Variants in POU2F2 observed in about 807,000 individuals in gnomAD.
POU2F2 encodes the protein POU class 2 homeobox 2, also known as POU domain, class 2, transcription factor 2.
In POU2F2, 14 loss-of-function variants were observed where a neutral mutation model predicts 63.5. The observed-to-expected ratio is 0.22, with a 90% CI of 0.15 to 0.34. POU2F2 has a LOEUF of 0.34. POU2F2 is among the 10% of genes least tolerant of loss of function. The pLI is 1.00. For synonymous variants in POU2F2, 306 were observed against 348.6 expected, an observed-to-expected ratio of 0.88 and a Z score of 1.36; for missense variants, 607 against 815.2, an observed-to-expected ratio of 0.74 and a Z score of 3.11.
rs1184490312 is a variant in POU2F2, at chr19:42,086,379, A to C, written c.*4878T>G. 1 of 151,828 alleles carries C rather than the reference A, an allele frequency of 6.6e-6. No homozygotes were observed. The highest frequency in any genetic ancestry group is 1.5e-5 in the Non-Finnish European group (1 of 67,956). The allele number at this position is 151,828 out of a possible 1,614,324, so 9.4% of individuals were successfully genotyped here. Reference sequence around the variant, plus strand: ...GTAAGGATGGAGGAAAGGCAGGTCTACTCCAGGGCTGATTTCTGGATGCCG... The same window carrying C: ...GTAAGGATGGAGGAAAGGCAGGTCTCCTCCAGGGCTGATTTCTGGATGCCG... On this transcript the variant is annotated 3_prime_UTR_variant, in exon 15 of 15. Transcript: ENST00000692977.
At chr19:42,114,989 T>C (rs939748466) in intron 5 of POU2F2, among the ~76,000 whole-genome samples, 10 of 151,934 alleles carry the variant, frequency 6.6e-5, no homozygotes, top group Non-Finnish European at 8.8e-5. Context: ...AAAATATGTA[T>C]ATATAAAAAA....
chr19:42,196,625 T>A, upstream of POU2F2: 1 of 152,314 alleles, frequency 6.6e-6, no homozygotes, highest in Non-Finnish European at 1.5e-5. Context: ...CGATCCTGTT[T>A]CTCTACCCGA....
In POU2F2 at chr19:42,087,272, ACTCT is replaced by A. The variant is rs984481900; in HGVS notation, c.*3981_*3984del. On this transcript the variant is annotated 3_prime_UTR_variant, in exon 15 of 15. Transcript: ENST00000692977. The stretch of plus-strand genomic sequence containing the variant: ...GTGTCTCAATCTTGCTGTCTGTCTC[ACTCT>A]CTCTCTCACTCAGGTCCCCCTACCC... The A allele has an allele frequency of 2.7e-5, 4 of 148,912 alleles. No individual in the cohort carries two copies. Among genetic ancestry groups the A allele is most frequent in the East Asian group, 3.9e-4 (2 of 5,088 alleles). 9.2% of individuals were successfully genotyped at this position (148,912 alleles called of 1,614,324 possible).
At chr19:42,187,755 CCAT>C (rs2035028518) in intron 1 of POU2F2, among the ~76,000 whole-genome samples, 1 of 135,376 alleles carries the variant, frequency 7.4e-6, no homozygotes. Context: ...GAGCGAGACT[CCAT>C]CACAAAAAAA....
intron 1 of POU2F2, among the ~76,000 whole-genome samples, chr19:42,129,934 C>T (rs1271996164): frequency 6.6e-6 from 1 of 152,216 alleles, no homozygotes; most frequent in Non-Finnish European, 1.5e-5. Context: ...CCGGCCAACA[C>T]AATACAAGAA....
rs1364563473 is a variant in POU2F2 at position 42,117,832 on chromosome 19, A to G, written c.187-400T>C. Among the ~76,000 whole-genome samples the G allele has an allele frequency of 1.3e-5, 2 of 151,610 alleles. No individual in the cohort carries two copies. The highest frequency in any genetic ancestry group is 4.8e-5 in the African/African-American group (2 of 41,242). On this transcript the variant is annotated intron_variant, in intron 4 of 14. Transcript: ENST00000692977. The surrounding 1 kb of genome is among the most constrained non-coding windows in gnomAD (Gnocchi z 4.4). ...CCATTTCTGAAAAAAAAAAAGGAAA[A>G]TACTCCCACTGGGCACCTGGGAGGT...
At chr19:42,196,814 T>C (rs1408279337), upstream of POU2F2, among the ~76,000 whole-genome samples, 1 of 152,272 alleles carries the variant, frequency 6.6e-6, no homozygotes, top group African/African-American at 2.4e-5. Context: ...CCAAGTGCAC[T>C]GCGCCAGCGC....
chr19:42,188,642 G>C (rs1302129151), intron 1 of POU2F2, among the ~76,000 whole-genome samples: 2 of 145,068 alleles, frequency 1.4e-5, no homozygotes, highest in Non-Finnish European at 3.0e-5. Flanking sequence ...TTGCACTCCA[G>C]CCTGGGGGAC....
chr19:42,127,144 C>T (rs978202521), intron 1 of POU2F2, among the ~76,000 whole-genome samples: 1 of 151,438 alleles, frequency 6.6e-6, no homozygotes, highest in East Asian at 1.9e-4. Flanking sequence ...TTTGTAGAGA[C>T]GGGTCTCCTT....
intron 2 of POU2F2, among the ~76,000 whole-genome samples, chr19:42,143,127 A>C (rs915678180): frequency 2.0e-5 from 3 of 152,098 alleles, no homozygotes; most frequent in Non-Finnish European, 4.4e-5. Context: ...GCACTTTGGG[A>C]GACTGAGGCT....
At chr19:42,185,742 T>G (rs940593247) in intron 1 of POU2F2, among the ~76,000 whole-genome samples, 7 of 152,350 alleles carry the variant, frequency 4.6e-5, no homozygotes, top group Non-Finnish European at 7.3e-5. Context: ...TATACTTGTA[T>G]GACCTCCATA....
intron 2 of POU2F2, among the ~76,000 whole-genome samples, chr19:42,139,820 G>A (rs1295587063): frequency 6.6e-6 from 1 of 152,206 alleles, no homozygotes; most frequent in African/African-American, 2.4e-5. Flanking sequence ...TTGACAAATA[G>A]GGAGGTAAAG....
chr19:42,133,237 G>C (rs2033883170), upstream of POU2F2, among the ~76,000 whole-genome samples: 1 of 152,228 alleles, frequency 6.6e-6, no homozygotes, highest in Admixed American at 6.5e-5. The surrounding 1 kb of genome is among the most constrained non-coding windows in gnomAD (Gnocchi z 5.1). Flanking sequence ...GCTTCCCTCC[G>C]TGCCCGCCAG....
intron 5 of POU2F2, among the ~76,000 whole-genome samples, chr19:42,113,512 G>A (rs1458867651): frequency 6.6e-6 from 1 of 152,206 alleles, no homozygotes; most frequent in African/African-American, 2.4e-5. Context: ...GACATCAGAG[G>A]GCTGGAAGGG....
intron 5 of POU2F2, among the ~76,000 whole-genome samples, chr19:42,115,677 G>A (rs529148834): frequency 6.6e-6 from 1 of 152,300 alleles, no homozygotes; most frequent in South Asian, 2.1e-4. Flanking sequence ...AGCCTACTCA[G>A]CTCCCACTCT....
intron 1 of POU2F2, among the ~76,000 whole-genome samples, chr19:42,173,560 A>G (rs61494749): frequency 4.0e-4 from 56 of 139,270 alleles, no homozygotes; most frequent in African/African-American, 1.4e-3. Flanking sequence ...GACTTGCTAG[A>G]AAAAAAAAAA....
intron 2 of POU2F2, among the ~76,000 whole-genome samples, chr19:42,150,879 G>A (rs1286958157): frequency 2.0e-5 from 3 of 152,096 alleles, no homozygotes; most frequent in Non-Finnish European, 4.4e-5. Context: ...GCTCTGGGAT[G>A]AGCCCCACTT....
chr19:42,133,462 C>CT (rs773276005), upstream of POU2F2: 1 of 154,668 alleles, frequency 6.5e-6, no homozygotes, highest in Non-Finnish European at 1.5e-5. The surrounding 1 kb of genome is among the most constrained non-coding windows in gnomAD (Gnocchi z 5.1). Flanking sequence ...AGGTCTGAGG[C>CT]TGTGGGGCTG....
At chr19:42,184,204 C>G (rs548084768) in intron 1 of POU2F2, among the ~76,000 whole-genome samples, 1 of 152,068 alleles carries the variant, frequency 6.6e-6, no homozygotes, top group Non-Finnish European at 1.5e-5. Context: ...GTTGCACAGC[C>G]TGGTCTTGAA....
Sources: gnomAD v4.1 joint callset for allele counts (sites outside exome capture counted in the v4.1 genomes callset) on GRCh38, gnomAD v4.1.1 for gene constraint, Gnocchi (gnomAD v3.1) non-coding constraint, MANE v1.5 for transcripts, NCBI Gene and HGNC (gene_info 2026-07-23, HGNC 2026-07-21) for gene names.